UPRT: variants seen among roughly 807,000 people sequenced by gnomAD.
UPRT encodes uracil phosphoribosyltransferase homolog.
A neutral mutation model predicts 22.6 loss-of-function variants in UPRT; 5 were observed. The observed-to-expected ratio is 0.22, with a 90% confidence interval of 0.12 to 0.47. UPRT has a LOEUF of 0.47. Among genes scored for constraint, UPRT ranks in the 20% least tolerant of loss-of-function variants. UPRT has a pLI of 0.99. For missense variants in UPRT, 181 were observed against 239.9 expected (o/e 0.75, Z 1.62); for synonymous variants, 77 against 87.7 (o/e 0.88, Z 0.68).
chrX:75,245,593 A>G lies in UPRT; in HGVS notation c.-446-45431A>G, dbSNP rs930827399. Among the ~76,000 whole-genome samples, 8 of 112,529 alleles carry G rather than the reference A, an allele frequency of 7.1e-5. No homozygotes were observed. The East Asian group carries it at 1.4e-3, about 20-fold the overall frequency. On this transcript the variant is annotated intron_variant, in intron 4 of 13. Transcript: ENST00000652605. ...AAAGAAAATGTGGTACATACACACT[A>G]TGGAATACTGTGCAGCCATAAAAAA...
intron 4 of UPRT, among the ~76,000 whole-genome samples, chrX:75,173,023 G>A (rs1038829093): frequency 1.1e-4 from 12 of 111,513 alleles, no homozygotes; most frequent in East Asian, 2.8e-4. Context: ...TGGTAGAGCC[G>A]AGTGGCCTGT....
intron 4 of UPRT, among the ~76,000 whole-genome samples, chrX:75,219,751 A>G (rs968323032): frequency 1.3e-4 from 14 of 111,530 alleles, no homozygotes; most frequent in African/African-American, 4.2e-4. Flanking sequence ...AGAGAAATGC[A>G]GACCCCAATA....
intron 1 of UPRT, among the ~76,000 whole-genome samples, chrX:75,285,216 C>G: frequency 9.0e-6 from 1 of 111,533 alleles, no homozygotes; most frequent in Non-Finnish European, 1.9e-5. Flanking sequence ...ATTGCCCAGA[C>G]TACCTGCCTC....
At chrX:75,207,519 T>C (rs986919714) in intron 4 of UPRT, among the ~76,000 whole-genome samples, 2 of 111,529 alleles carry the variant, frequency 1.8e-5, no homozygotes, top group Non-Finnish European at 3.8e-5. Context: ...AGCTCAGAGC[T>C]GGAAGTGTTT....
At chrX:75,206,699 C>A (rs759171316) in intron 4 of UPRT, among the ~76,000 whole-genome samples, 83 of 110,180 alleles carry the variant, frequency 7.5e-4, no homozygotes, top group African/African-American at 2.5e-3. Context: ...GAGTCTTGCT[C>A]TGTTGCCCAG....
At chrX:75,199,378 C>T (rs1051988025) in intron 4 of UPRT, among the ~76,000 whole-genome samples, 1 of 111,256 alleles carries the variant, frequency 9.0e-6, no homozygotes. Context: ...GGCCCCCATT[C>T]GAAGCCCTAG....
chrX:75,185,534 A>G (rs1422743263), intron 4 of UPRT, among the ~76,000 whole-genome samples: 1 of 112,201 alleles, frequency 8.9e-6, no homozygotes, highest in Non-Finnish European at 1.9e-5. Context: ...TGCTGGCCTC[A>G]TAAAATGAGT....
At chrX:75,227,944 T>TTAA (rs2082428025) in intron 4 of UPRT, among the ~76,000 whole-genome samples, 5 of 112,290 alleles carry the variant, frequency 4.5e-5, no homozygotes, top group Admixed American at 9.4e-5. Flanking sequence ...TTTATTTTTT[T>TTAA]AAATAGTTTA....
At chrX:75,205,412 A>G (rs946188956) in intron 4 of UPRT, among the ~76,000 whole-genome samples, 11 of 106,347 alleles carry the variant, frequency 1.0e-4, no homozygotes, top group East Asian at 3.3e-4. Flanking sequence ...AAAAAAAAAA[A>G]AGAGAAGATT....
chrX:75,288,928 C>T (rs1011114790), intron 1 of UPRT, among the ~76,000 whole-genome samples: 1 of 111,761 alleles, frequency 8.9e-6, no homozygotes, highest in Non-Finnish European at 1.9e-5. Flanking sequence ...TGATTCTATA[C>T]ATAGAAAACC....
intron 2 of UPRT, among the ~76,000 whole-genome samples, chrX:75,160,729 A>G (rs931888722): frequency 4.5e-5 from 5 of 111,373 alleles, no homozygotes; most frequent in African/African-American, 1.6e-4. Flanking sequence ...GGGGTTCGCT[A>G]TGTTGCCCAG....
At chrX:75,181,369 T>G (rs2082269576) in intron 4 of UPRT, among the ~76,000 whole-genome samples, 1 of 111,889 alleles carries the variant, frequency 8.9e-6, no homozygotes, top group Non-Finnish European at 1.9e-5. Context: ...AAATAGTTTT[T>G]TTCTAATTCT....
At chrX:75,238,357 A>G (rs2082477071) in intron 4 of UPRT, among the ~76,000 whole-genome samples, 1 of 112,034 alleles carries the variant, frequency 8.9e-6, no homozygotes, top group East Asian at 2.8e-4. Flanking sequence ...AACAGACATT[A>G]AAGCAACAAC....
chrX:75,274,855 C>T (rs2082625508), intron 1 of UPRT: 4 of 399,838 alleles, frequency 1.0e-5, no homozygotes, highest in Non-Finnish European at 1.6e-5. Context: ...TTCCAAGTTC[C>T]GGTGTCTAAC....
intron 1 of UPRT, among the ~76,000 whole-genome samples, chrX:75,281,761 G>T (rs867127067): frequency 2.1e-4 from 24 of 111,690 alleles, no homozygotes; most frequent in Admixed American, 1.9e-4. Context: ...TTTGCTATCA[G>T]GGTGATGCTG....
chrX:75,265,599 T>C (rs1248959070), intron 4 of UPRT, among the ~76,000 whole-genome samples: 3 of 111,405 alleles, frequency 2.7e-5, no homozygotes, highest in Non-Finnish European at 5.7e-5. Flanking sequence ...TTTTCAATGT[T>C]TTTAACTTCT....
chrX:75,299,728 C>T lies in UPRT; in HGVS notation c.563-7C>T. The T allele has an allele frequency of 8.4e-7, 1 of 1,186,532 alleles. No individual in the cohort carries two copies. Among genetic ancestry groups the T allele is most frequent in the Non-Finnish European group, 1.1e-6 (1 of 883,770 alleles). On this transcript the variant is annotated splice_region_variant and splice_polypyrimidine_tract_variant and intron_variant, in intron 4 of 6. Transcript: ENST00000373383. ...TAATCTTTTTTCTTTCTTTTTTCTT[C>T]TTCAAGGTGAGGCAATGGAACAAGG...
chrX:75,293,836 C>G (rs1052245684), intron 2 of UPRT, among the ~76,000 whole-genome samples: 1 of 111,213 alleles, frequency 9.0e-6, no homozygotes, highest in African/African-American at 3.3e-5. Context: ...AAAAGAAAAC[C>G]AAAAATGTAA....
chrX:75,215,277 A>C (rs990624263), intron 4 of UPRT, among the ~76,000 whole-genome samples: 13 of 103,728 alleles, frequency 1.3e-4, no homozygotes, highest in African/African-American at 4.5e-4. Context: ...AAAAAGACAC[A>C]AAATCAATAA....
Sources: gnomAD v4.1 joint callset for allele counts (sites outside exome capture counted in the v4.1 genomes callset) on GRCh38, gnomAD v4.1.1 for gene constraint, MANE v1.5 for transcripts, NCBI Gene and HGNC (gene_info 2026-07-23, HGNC 2026-07-21) for gene names.